Variants in OR1F1 observed in about 807,000 individuals in gnomAD.
OR1F1 encodes the protein olfactory receptor family 1 subfamily F member 1.
For synonymous variants in OR1F1, 184 were observed against 156.7 expected (o/e 1.17, Z -1.30); for missense variants, 493 against 376.3 (o/e 1.31, Z -2.57).
the OR1F1 span, among the ~76,000 whole-genome samples, chr16:3,193,731 G>A: frequency 6.6e-6 from 1 of 152,122 alleles, no homozygotes; most frequent in Non-Finnish European, 1.5e-5. Context: ...CCAAGTAGAT[G>A]GGACTACAGG....
Position 3,204,280 on chromosome 16 carries a change from T to G in OR1F1, c.34T>G (p.Phe12Val), listed in dbSNP as rs148405876. Residue 12 changes from phenylalanine to valine, a missense_variant, in exon 1 of 1, where the codon TTC becomes GTC. Phe to Val is a conservative substitution (Grantham distance 50). Coordinates refer to ENST00000304646, the Ensembl canonical transcript of OR1F1. ...GACAAACCAGTCGAGTGTCTCCGAG[T>G]TCCTCCTCCTGGGACTCTCCAGGCA... 2.9e-4 allele frequency: 474 copies of G among 1,612,198 alleles called. 3 individuals carry two copies. The African/African-American group carries it at 5.7e-3, about 20-fold the overall frequency.
At chr16:3,199,323 A>G (rs1471523231), upstream of OR1F1, among the ~76,000 whole-genome samples, 1 of 151,540 alleles carries the variant, frequency 6.6e-6, no homozygotes, top group Non-Finnish European at 1.5e-5. Flanking sequence ...AATTATTATG[A>G]TGATGAAAAT....
At chr16:3,199,610 T>G (rs956382990), upstream of OR1F1, among the ~76,000 whole-genome samples, 21 of 152,188 alleles carry the variant, frequency 1.4e-4, no homozygotes, top group African/African-American at 5.1e-4. Context: ...GTGTTGACCA[T>G]TGATATGATA....
At chr16:3,188,367 C>G in the OR1F1 span, 2 of 152,024 alleles carry the variant, frequency 1.3e-5, no homozygotes, top group African/African-American at 2.4e-5. Flanking sequence ...GGAGACGACC[C>G]CGTGCAGCAG....
chr16:3,191,158 T>C, the OR1F1 span: 2 of 152,194 alleles, frequency 1.3e-5, no homozygotes, highest in East Asian at 3.8e-4. Flanking sequence ...TTCCTGTAAT[T>C]CGAGTGGCCT....
chr16:3,200,956 A>G (rs1958129301), upstream of OR1F1, among the ~76,000 whole-genome samples: 1 of 152,220 alleles, frequency 6.6e-6, no homozygotes, highest in Non-Finnish European at 1.5e-5. Context: ...CAAATTCTGT[A>G]ACCATTAAGC....
downstream of OR1F1, chr16:3,205,250 A>C: frequency 8.7e-7 from 1 of 1,155,882 alleles, no homozygotes; most frequent in Non-Finnish European, 1.2e-6. Context: ...AGTTTAATGC[A>C]GTAGTTGTTT....
rs752520055 is a variant in OR1F1, at chr16:3,205,097, TG to T, written c.852del (p.Met284IlefsTer2). The T allele has an allele frequency of 5.9e-5, 95 of 1,613,948 alleles. No homozygotes were observed. Among genetic ancestry groups the T allele is most frequent in the Non-Finnish European group, 7.3e-5 (86 of 1,180,016 alleles). On this transcript the variant is annotated frameshift_variant, in exon 1 of 1. Coordinates refer to ENST00000304646, the Ensembl canonical transcript of OR1F1. LOFTEE classifies it low-confidence loss of function (END_TRUNC). ...GTGTTGTATACAGTAGTGACTCCCATGCTAAACCCTTTCATCTACAGCCTGA... is the reference window on the plus strand; with the variant it reads ...GTGTTGTATACAGTAGTGACTCCCATCTAAACCCTTTCATCTACAGCCTGA...
chr16:3,192,021 A>C, the OR1F1 span, among the ~76,000 whole-genome samples: 1 of 151,968 alleles, frequency 6.6e-6, no homozygotes, highest in African/African-American at 2.4e-5. Context: ...ATTCTCGCTT[A>C]GGATGCGAGA....
At chr16:3,201,832 G>C (rs980488228), upstream of OR1F1, among the ~76,000 whole-genome samples, 7 of 152,030 alleles carry the variant, frequency 4.6e-5, no homozygotes, top group African/African-American at 1.7e-4. Context: ...CCTTTCCATG[G>C]CAATGACTCA....
chr16:3,203,973 T>C (rs1371749118), upstream of OR1F1, among the ~76,000 whole-genome samples: 1 of 152,148 alleles, frequency 6.6e-6, no homozygotes, highest in Non-Finnish European at 1.5e-5. Flanking sequence ...ACAAACTGAC[T>C]GAGTTTCTGC....
At chr16:3,189,707 G>A in the OR1F1 span, 63 of 151,930 alleles carry the variant, frequency 4.1e-4, no homozygotes, top group African/African-American at 1.5e-3. Context: ...GACGAGCCCG[G>A]CTTTTGGTGC....
chr16:3,196,804 C>G, the OR1F1 span, among the ~76,000 whole-genome samples: 2 of 151,240 alleles, frequency 1.3e-5, no homozygotes, highest in African/African-American at 4.9e-5. Context: ...AAGTCTCCAG[C>G]CTCACCTCAG....
chr16:3,199,490 A>C (rs1219608185), upstream of OR1F1, among the ~76,000 whole-genome samples: 2 of 152,010 alleles, frequency 1.3e-5, no homozygotes, highest in Non-Finnish European at 1.5e-5. Context: ...TCATCTTTAC[A>C]AAAAATTTAA....
chr16:3,190,644 G>A, the OR1F1 span, among the ~76,000 whole-genome samples: 1 of 151,466 alleles, frequency 6.6e-6, no homozygotes, highest in East Asian at 2.0e-4. Flanking sequence ...CCAGGTACTA[G>A]GAAGGATGAG....
chr16:3,188,719 G>C, the OR1F1 span, among the ~76,000 whole-genome samples: 1 of 152,128 alleles, frequency 6.6e-6, no homozygotes, highest in South Asian at 2.1e-4. Flanking sequence ...GGGACAGGGA[G>C]CCCCTTTTAG....
chr16:3,193,929 C>G, the OR1F1 span, among the ~76,000 whole-genome samples: 1 of 152,126 alleles, frequency 6.6e-6, no homozygotes, highest in Non-Finnish European at 1.5e-5. Flanking sequence ...CCCCAGTGGC[C>G]TGATGGATAA....
At chr16:3,205,666 C>T (rs181974345), downstream of OR1F1, among the ~76,000 whole-genome samples, 4 of 152,196 alleles carry the variant, frequency 2.6e-5, no homozygotes, top group South Asian at 4.1e-4. Flanking sequence ...TAATTTCTTA[C>T]GCCTGTCTTT....
chr16:3,204,315 G>A, exon 1 of OR1F1: 1 of 1,614,100 alleles, frequency 6.2e-7, no homozygotes, highest in Non-Finnish European at 8.5e-7. Context: ...AGCCCCAGCA[G>A]CAGCATCTCC....
Sources: allele counts gnomAD v4.1 joint callset (sites outside exome capture counted in the v4.1 genomes callset), GRCh38; gene constraint gnomAD v4.1.1; transcripts MANE v1.5; gene names NCBI Gene and HGNC (gene_info 2026-07-23, HGNC 2026-07-21).